Variants in FGF14 observed in about 807,000 individuals in gnomAD.
FGF14 encodes fibroblast growth factor 14, also known as fibroblast growth factor homologous factor 4.
In FGF14, 5 loss-of-function variants were observed where a neutral mutation model predicts 25.5. The ratio of observed to expected loss-of-function variants is 0.20; its 90% CI spans 0.10 to 0.41. The LOEUF (loss-of-function observed/expected upper bound fraction) is 0.41, where lower values mean the gene tolerates loss of function less well. FGF14 is among the 10% of genes least tolerant of loss of function. The pLI, the probability that FGF14 is intolerant of heterozygous loss-of-function variation, is 1.00. For synonymous variants in FGF14, 138 were observed against 118.3 expected (o/e 1.17, Z -1.08); for missense variants, 222 against 320.1 (o/e 0.69, Z 2.34).
At position 101,714,807 on chromosome 13, in the gene FGF14, C is replaced by G. The variant is rs1031345440; in HGVS notation, c.*8024G>C. 4 of 488,172 alleles carry G rather than the reference C, an allele frequency of 8.2e-6. No individual in the cohort carries two copies. The highest frequency in any genetic ancestry group is 1.9e-5 in the African/African-American group (1 of 51,606). The allele number at this position is 488,172 out of a possible 1,614,324, so 30.2% of individuals were successfully genotyped here. A position where few individuals can be genotyped will look rare whatever the true frequency, so the allele number is the denominator to read the frequency against. On this transcript the variant is annotated 3_prime_UTR_variant, in exon 5 of 5. Transcript: ENST00000376143. ...TCCTTCCACAAAGTAACCTCCCCACCCTCAAACTCACATGTATGCAGTTGT... is the reference window on the plus strand; with the variant it reads ...TCCTTCCACAAAGTAACCTCCCCACGCTCAAACTCACATGTATGCAGTTGT...
chr13:101,915,553 A>C (rs1263692073), intron 1 of FGF14, among the ~76,000 whole-genome samples: 1 of 152,090 alleles, frequency 6.6e-6, no homozygotes, highest in Non-Finnish European at 1.5e-5. Context: ...AGAGACAGGC[A>C]GAGAGAGAGA....
chr13:102,232,444 T>A (rs1454355163), intron 1 of FGF14, among the ~76,000 whole-genome samples: 1 of 152,230 alleles, frequency 6.6e-6, no homozygotes, highest in Admixed American at 6.5e-5. Flanking sequence ...TCTGTTAGGT[T>A]TTTTATTTAT....
intron 1 of FGF14, among the ~76,000 whole-genome samples, chr13:101,950,955 G>C (rs913476277): frequency 1.3e-5 from 2 of 152,072 alleles, no homozygotes; most frequent in Non-Finnish European, 2.9e-5. Context: ...AGAGCAGGTA[G>C]GTTTTTGGTA....
intron 3 of FGF14, among the ~76,000 whole-genome samples, chr13:101,734,928 T>C (rs2139741836): frequency 6.6e-6 from 1 of 152,320 alleles, no homozygotes; most frequent in South Asian, 2.1e-4. Flanking sequence ...ATTGCAAAAA[T>C]GATTCTAATT....
At chr13:102,141,498 A>G (rs2046642327) in intron 1 of FGF14, among the ~76,000 whole-genome samples, 1 of 152,226 alleles carries the variant, frequency 6.6e-6, no homozygotes, top group Admixed American at 6.5e-5. Context: ...GAGAAAATGC[A>G]TTTGTGGAAA....
chr13:102,211,214 A>G (rs893436253), intron 1 of FGF14, among the ~76,000 whole-genome samples: 2 of 152,174 alleles, frequency 1.3e-5, no homozygotes, highest in Admixed American at 6.5e-5. Flanking sequence ...ACAGGAAGGA[A>G]GAGTTAATTA....
At chr13:101,872,707 C>A (rs1326590664) in intron 2 of FGF14, among the ~76,000 whole-genome samples, 3 of 152,018 alleles carry the variant, frequency 2.0e-5, no homozygotes, top group African/African-American at 4.8e-5. Flanking sequence ...ATTTGTAGAA[C>A]CTTTTGAGGA....
chr13:102,137,581 A>G (rs2046466349), intron 1 of FGF14, among the ~76,000 whole-genome samples: 1 of 152,126 alleles, frequency 6.6e-6, no homozygotes, highest in Non-Finnish European at 1.5e-5. Context: ...GACTGTCAAC[A>G]CCTTGAATTT....
rs985551204 is a variant in FGF14, at chr13:101,715,807, A to C, written c.*7024T>G. The C allele has an allele frequency of 1.9e-6, 1 of 515,320 alleles. No individual in the cohort carries two copies. The highest frequency in any genetic ancestry group is 3.0e-5 in the East Asian group (1 of 33,068). The allele number at this position is 515,320 out of a possible 1,614,324, so 31.9% of individuals were successfully genotyped here. On this transcript the variant is annotated 3_prime_UTR_variant, in exon 5 of 5. Coordinates refer to ENST00000376143, the MANE Select transcript of FGF14 (RefSeq NM_004115.4). The stretch of plus-strand genomic sequence containing the variant: ...AATTACGAATGAAATCCGAGTACCT[A>C]TTAGAAATGAGTTATGCAAATTTAG...
rs141692400 is a variant in FGF14, at chr13:102,167,621, G to C, written c.208+233850C>G. 4.4e-3 allele frequency among the ~76,000 whole-genome samples: 663 copies of C among 152,164 alleles called. 5 individuals are homozygous for C. The highest frequency in any genetic ancestry group is 0.015 in the African/African-American group (626 of 41,522). ...CATTCCACCTAGATTAATTTTCACT[G>C]TTTTGCTACCTGAATAGTTGGCAAA... On this transcript the variant is annotated intron_variant, in intron 1 of 4. Coordinates refer to the FGF14 transcript ENST00000376131.
At chr13:101,750,770 T>C (rs1330394077) in intron 3 of FGF14, among the ~76,000 whole-genome samples, 2 of 152,126 alleles carry the variant, frequency 1.3e-5, no homozygotes, top group Admixed American at 1.3e-4. Flanking sequence ...TTATTCCTAA[T>C]TGCCAAAACT....
chr13:102,034,847 ACTCT>A, intron 1 of FGF14, among the ~76,000 whole-genome samples: 1 of 151,836 alleles, frequency 6.6e-6, no homozygotes, highest in Non-Finnish European at 1.5e-5. Context: ...ATGGCCCCAG[ACTCT>A]CTATGAACAG....
At chr13:101,734,728 C>T (rs948008505) in intron 3 of FGF14, among the ~76,000 whole-genome samples, 2 of 152,072 alleles carry the variant, frequency 1.3e-5, no homozygotes, top group Admixed American at 6.6e-5. Context: ...TAATTTAACC[C>T]TCACCATAAT....
chr13:102,035,432 A>T (rs1228238643), intron 1 of FGF14, among the ~76,000 whole-genome samples: 1 of 152,120 alleles, frequency 6.6e-6, no homozygotes, highest in Non-Finnish European at 1.5e-5. Flanking sequence ...AACACATTTC[A>T]ATACTAATTA....
At chr13:101,982,081 ACC>A (rs2038300786) in intron 1 of FGF14, among the ~76,000 whole-genome samples, 1 of 152,190 alleles carries the variant, frequency 6.6e-6, no homozygotes, top group Non-Finnish European at 1.5e-5. Context: ...TAGTAGGGTC[ACC>A]ATAAAATTTG....
intron 1 of FGF14, among the ~76,000 whole-genome samples, chr13:101,938,051 A>G (rs1421046193): frequency 6.6e-6 from 1 of 152,236 alleles, no homozygotes; most frequent in East Asian, 1.9e-4. Context: ...TAGACAAGCA[A>G]TGGCTTTATA....
intron 1 of FGF14, among the ~76,000 whole-genome samples, chr13:102,129,426 G>A (rs901813622): frequency 3.3e-5 from 5 of 152,072 alleles, no homozygotes; most frequent in African/African-American, 4.8e-5. Flanking sequence ...GTGGACGAGC[G>A]TTGAACCTGG....
chr13:102,236,118 T>C (rs2051316802), intron 1 of FGF14, among the ~76,000 whole-genome samples: 1 of 152,200 alleles, frequency 6.6e-6, no homozygotes, highest in African/African-American at 2.4e-5. Flanking sequence ...GTAAACAAGC[T>C]TCAAACCTAA....
At chr13:102,186,448 T>C (rs540210116) in intron 1 of FGF14, among the ~76,000 whole-genome samples, 1 of 152,256 alleles carries the variant, frequency 6.6e-6, no homozygotes, top group Admixed American at 6.5e-5. Flanking sequence ...ATGGTCCTTT[T>C]ACAACAACTA....
Sources: gnomAD v4.1 joint callset for allele counts (sites outside exome capture counted in the v4.1 genomes callset) on GRCh38, gnomAD v4.1.1 for gene constraint, MANE v1.5 for transcripts, NCBI Gene and HGNC (gene_info 2026-07-23, HGNC 2026-07-21) for gene names.